Variants in DIAPH3 observed in about 807,000 individuals in gnomAD.
DIAPH3 encodes diaphanous related formin 3.
DIAPH3 carries 117 observed loss-of-function variants against 144.3 expected under a neutral mutation model. The observed-to-expected ratio is 0.81, with a 90% CI of 0.70 to 0.95. The LOEUF (loss-of-function observed/expected upper bound fraction) is 0.95. Among genes scored for constraint, DIAPH3 ranks in the 40% least tolerant of loss-of-function variants. The probability of loss-of-function intolerance (pLI) is 0.00; values close to 1 mark genes in which losing one functional copy is unlikely to be tolerated. For synonymous variants in DIAPH3, 519 were observed against 488.9 expected, an observed-to-expected ratio of 1.06 and a Z score of -0.81; for missense variants, 1,421 against 1,412.7, an observed-to-expected ratio of 1.01 and a Z score of -0.09.
At position 59,971,040 on chromosome 13, in the gene DIAPH3, G is replaced by A; in HGVS notation, c.1771C>T (p.Pro591Ser). 2 of 1,613,622 alleles carry A rather than the reference G, an allele frequency of 1.2e-6. No individual in the cohort carries two copies. The highest frequency in any genetic ancestry group is 1.7e-6 in the Non-Finnish European group (2 of 1,179,794). Residue 591 changes from proline to serine, a missense_variant, in exon 16 of 28, where the codon CCT becomes TCT. Coordinates refer to ENST00000400324, the MANE Select transcript of DIAPH3 (RefSeq NM_001042517.2). ...LPSGGGVPPP[P>S]PPPPPPPLPG... ...AGTGGAGGAGGTGGTGGGGGAGGAGGTGGAGGCGGCACCCCTCCACCAGAA... is the reference window on the plus strand; with the variant it reads ...AGTGGAGGAGGTGGTGGGGGAGGAGATGGAGGCGGCACCCCTCCACCAGAA...
rs748676812 is a variant in DIAPH3, at chr13:60,163,760, G to C, written c.7C>G (p.Arg3Gly). ...GGGTGGTGCAGCCGCGGCTGGTGCCGTTCCATCTTTCCCCGCAGCTCCGGG... is the reference window on the plus strand; with the variant it reads ...GGGTGGTGCAGCCGCGGCTGGTGCCCTTCCATCTTTCCCCGCAGCTCCGGG... ME[R>G]HQPRLHHPAQ... is the part of the protein sequence containing the mutation. The change falls in exon 1 of 28, where the codon CGG becomes GGG. Residue 3 changes from arginine to glycine, a missense_variant. By Grantham distance (125) the Arg-to-Gly change is moderately radical. Transcript: ENST00000400324. The C allele has an allele frequency of 8.2e-6, 13 of 1,584,880 alleles. No individual in the cohort carries two copies. Among genetic ancestry groups the C allele is most frequent in the Non-Finnish European group, 1.1e-5 (13 of 1,167,016 alleles).
intron 27 of DIAPH3, among the ~76,000 whole-genome samples, chr13:59,674,728 A>G (rs1442659726): frequency 6.6e-6 from 1 of 152,184 alleles, no homozygotes; most frequent in East Asian, 1.9e-4. Context: ...ACTACTTCAA[A>G]TAACACATTC....
intron 17 of DIAPH3, among the ~76,000 whole-genome samples, chr13:59,950,366 TCA>T (rs1047776263): frequency 6.6e-6 from 1 of 152,108 alleles, no homozygotes; most frequent in Non-Finnish European, 1.5e-5. Context: ...GTGCCTTTGT[TCA>T]CACTCTTGAC....
intron 17 of DIAPH3, among the ~76,000 whole-genome samples, chr13:59,931,267 C>G (rs1463795016): frequency 1.3e-5 from 2 of 152,282 alleles, no homozygotes; most frequent in African/African-American, 2.4e-5. Context: ...TACAATTTCT[C>G]TTTTTGTGGC....
intron 1 of DIAPH3, among the ~76,000 whole-genome samples, chr13:60,153,872 AG>A (rs1389746202): frequency 6.6e-6 from 1 of 152,052 alleles, no homozygotes; most frequent in Non-Finnish European, 1.5e-5. Context: ...CTAAGTTTGA[AG>A]TTGTTTCCTT....
intron 9 of DIAPH3, among the ~76,000 whole-genome samples, chr13:60,002,828 C>G (rs1419350882): frequency 6.6e-6 from 1 of 152,156 alleles, no homozygotes; most frequent in African/African-American, 2.4e-5. Context: ...GTATGACCAA[C>G]AGCAAGGGTT....
At position 60,057,508 on chromosome 13, in the gene DIAPH3, A is replaced by T. The variant is rs563582513; in HGVS notation, c.496-14688T>A. ...CAGATTCAATGCAATTCCTATCGAG[A>T]TAACAATCCCATTCTTCACAGAATT... On this transcript the variant is annotated intron_variant, in intron 4 of 27. Transcript: ENST00000400324. 3.9e-5 allele frequency among the ~76,000 whole-genome samples: 6 copies of T among 152,140 alleles called. No individual in the cohort carries two copies. The South Asian group carries it at 1.2e-3, about 31-fold the overall frequency.
intron 24 of DIAPH3, among the ~76,000 whole-genome samples, chr13:59,819,890 T>A (rs1007191573): frequency 6.6e-6 from 1 of 151,980 alleles, no homozygotes; most frequent in Non-Finnish European, 1.5e-5. Context: ...TGTGTGACTA[T>A]GCCTCAGTTT....
intron 19 of DIAPH3, among the ~76,000 whole-genome samples, chr13:59,914,599 C>A (rs2818948): frequency 0.49 from 73,830 of 151,466 alleles, 19,292 homozygotes; most frequent in Non-Finnish European, 0.57. Flanking sequence ...TCAATGTAAT[C>A]AAAAAGTTCT....
intron 27 of DIAPH3, 23 bp from the exon 28 acceptor site, chr13:59,666,869 A>G: frequency 6.2e-7 from 1 of 1,613,984 alleles, no homozygotes; most frequent in Non-Finnish European, 8.5e-7. Flanking sequence ...AAAAAGAAAC[A>G]TAAAACTTAT....
chr13:59,794,398 A>G (rs1048111617), intron 25 of DIAPH3, among the ~76,000 whole-genome samples: 1 of 152,194 alleles, frequency 6.6e-6, no homozygotes, highest in Non-Finnish European at 1.5e-5. Context: ...TTGAAGGTAA[A>G]TATAATAGAA....
chr13:60,152,487 G>GATATAT (rs144792127), intron 1 of DIAPH3, among the ~76,000 whole-genome samples: 126 of 140,042 alleles, frequency 9.0e-4, no homozygotes, highest in African/African-American at 3.0e-3. Flanking sequence ...TTTAGGGAAA[G>GATATAT]ATATATATAT....
chr13:59,895,402 G>T (rs2046027245), intron 20 of DIAPH3, among the ~76,000 whole-genome samples: 1 of 148,122 alleles, frequency 6.8e-6, no homozygotes, highest in Non-Finnish European at 1.5e-5. Flanking sequence ...CAGACTTGCA[G>T]GATAGGAAAC....
intron 22 of DIAPH3, among the ~76,000 whole-genome samples, chr13:59,847,947 C>T (rs1433466206): frequency 6.6e-6 from 1 of 152,146 alleles, no homozygotes; most frequent in African/African-American, 2.4e-5. Flanking sequence ...AATTTATCTT[C>T]CTCCTTGACT....
chr13:59,861,157 C>G (rs2043557159), intron 22 of DIAPH3: 2 of 1,271,052 alleles, frequency 1.6e-6, no homozygotes, highest in Admixed American at 2.9e-5. Flanking sequence ...TAGCAGGTAT[C>G]TACAAGGTTT....
chr13:60,004,750 T>A (rs2140913557), intron 9 of DIAPH3, among the ~76,000 whole-genome samples: 1 of 152,288 alleles, frequency 6.6e-6, no homozygotes, highest in South Asian at 2.1e-4. Context: ...GAAATTTATT[T>A]TAGTGTTTAC....
At chr13:59,832,152 T>C (rs1453728549) in intron 24 of DIAPH3, among the ~76,000 whole-genome samples, 2 of 151,912 alleles carry the variant, frequency 1.3e-5, no homozygotes, top group Admixed American at 1.3e-4. Context: ...ACCAAATTCA[T>C]TTCTGGCAAT....
chr13:59,896,629 C>T (rs2046117024), intron 20 of DIAPH3, among the ~76,000 whole-genome samples: 1 of 152,130 alleles, frequency 6.6e-6, no homozygotes, highest in South Asian at 2.1e-4. Flanking sequence ...GAACATACTT[C>T]CGTAACAACT....
intron 21 of DIAPH3, among the ~76,000 whole-genome samples, chr13:59,876,447 GT>G (rs1179131483): frequency 6.6e-6 from 1 of 152,164 alleles, no homozygotes; most frequent in Non-Finnish European, 1.5e-5. Flanking sequence ...ACTAACTGTA[GT>G]AAAAGAATAA....
Sources: allele counts gnomAD v4.1 joint callset (sites outside exome capture counted in the v4.1 genomes callset), GRCh38; gene constraint gnomAD v4.1.1; transcripts MANE v1.5; gene names NCBI Gene and HGNC (gene_info 2026-07-23, HGNC 2026-07-21).